KPNA3: variants seen among roughly 807,000 people sequenced by gnomAD.
KPNA3 encodes karyopherin subunit alpha 3.
In KPNA3, 13 loss-of-function variants were observed where a neutral mutation model predicts 73.8. The observed-to-expected ratio is 0.18, with a 90% CI of 0.11 to 0.28. KPNA3 has a LOEUF of 0.28. Ranked by LOEUF, KPNA3 falls within the 10% of genes least tolerant of loss-of-function variation. KPNA3 has a pLI of 1.00. For synonymous variants in KPNA3, 186 were observed against 206.9 expected (o/e 0.90, Z 0.87); for missense variants, 360 against 618.1 (o/e 0.58, Z 4.43).
At chr13:49,740,008 T>G (rs1287018216) in intron 2 of KPNA3, among the ~76,000 whole-genome samples, 3 of 152,140 alleles carry the variant, frequency 2.0e-5, no homozygotes, top group Admixed American at 1.3e-4. Context: ...CCCAGAACTT[T>G]GGGAGGCTGA....
chr13:49,765,721 A>C (rs1314646128), intron 1 of KPNA3, among the ~76,000 whole-genome samples: 1 of 152,198 alleles, frequency 6.6e-6, no homozygotes, highest in Non-Finnish European at 1.5e-5. Context: ...AGTCTTACAA[A>C]ACCATTTATC....
chr13:49,767,370 C>T (rs1269300586), intron 1 of KPNA3, among the ~76,000 whole-genome samples: 5 of 149,036 alleles, frequency 3.4e-5, no homozygotes, highest in African/African-American at 9.9e-5. Context: ...GCCGAGATCA[C>T]GCCACTGCAC....
At chr13:49,711,201 T>C (rs955313162) in intron 10 of KPNA3, among the ~76,000 whole-genome samples, 179 bp from the exon 11 acceptor site, 3 of 152,244 alleles carry the variant, frequency 2.0e-5, no homozygotes, top group African/African-American at 7.2e-5. Flanking sequence ...TTTCTTTCAG[T>C]GCCTACCTCA....
rs533025680 is a variant in KPNA3, at chr13:49,720,210, A to G, written c.727-391T>C. 1.3e-3 allele frequency among the ~76,000 whole-genome samples: 191 copies of G among 152,328 alleles called. 9 individuals carry two copies. In the South Asian group the frequency reaches 0.039, roughly 31 times the overall value. On this transcript the variant is annotated intron_variant, in intron 9 of 16. Transcript: ENST00000261667. ...CACTTAAAACTGCCGTAATTGTCTCACTTACCTGCTTAACGTAAAAATACG... is the reference window on the plus strand; with the variant it reads ...CACTTAAAACTGCCGTAATTGTCTCGCTTACCTGCTTAACGTAAAAATACG...
chr13:49,777,632 C>G (rs1012779374), intron 1 of KPNA3, among the ~76,000 whole-genome samples: 1 of 151,336 alleles, frequency 6.6e-6, no homozygotes, highest in Non-Finnish European at 1.5e-5. Context: ...TCCCAAGGAG[C>G]TTGGACTACA....
intron 1 of KPNA3, among the ~76,000 whole-genome samples, chr13:49,767,278 G>C (rs1303972158): frequency 4.6e-5 from 7 of 151,752 alleles, no homozygotes; most frequent in African/African-American, 1.7e-4. Context: ...CTAGCCAGGC[G>C]TGGTGGCAGG....
intron 1 of KPNA3, among the ~76,000 whole-genome samples, chr13:49,775,839 T>C (rs1036980408): frequency 6.6e-6 from 1 of 152,242 alleles, no homozygotes; most frequent in Non-Finnish European, 1.5e-5. Context: ...GTTTGTTCAA[T>C]CGGACTTGGG....
At chr13:49,702,309 G>A in intron 16 of KPNA3, 77 bp downstream of exon 16, 1 of 771,578 alleles carries the variant, frequency 1.3e-6, no homozygotes. Context: ...ATAATAAAAG[G>A]AAAACTCTTA....
intron 15 of KPNA3, 25 bp from the exon 16 acceptor site, chr13:49,702,505 T>A: frequency 2.4e-6 from 3 of 1,235,138 alleles, no homozygotes; most frequent in Middle Eastern, 3.8e-4. Flanking sequence ...ATAATCAAAA[T>A]AACTGGTTAA....
intron 2 of KPNA3, among the ~76,000 whole-genome samples, chr13:49,734,938 T>TATAG (rs1555305301): frequency 6.8e-6 from 1 of 146,682 alleles, no homozygotes; most frequent in East Asian, 2.0e-4. Flanking sequence ...TATATATATA[T>TATAG]AGAGAGAGAG....
Position 49,785,216 on chromosome 13 carries a change from A to C in KPNA3, c.69+7222T>G, listed in dbSNP as rs142570724. Among the ~76,000 whole-genome samples the C allele has an allele frequency of 3.0e-4, 45 of 152,338 alleles. No homozygotes were observed. In the East Asian group the frequency reaches 6.9e-3, roughly 24 times the overall value. On this transcript the variant is annotated intron_variant, in intron 1 of 16. Coordinates refer to ENST00000261667, the MANE Select transcript of KPNA3 (RefSeq NM_002267.4). ...CTCACTGAAAAATCTCATAAACTAA[A>C]GGAAGAAAACCACTTTGGAGATAGT...
At chr13:49,785,391 C>T (rs544015538) in intron 1 of KPNA3, among the ~76,000 whole-genome samples, 1 of 152,134 alleles carries the variant, frequency 6.6e-6, no homozygotes. Flanking sequence ...GTCCAAGAAG[C>T]CTCTCAAGTT....
intron 12 of KPNA3, among the ~76,000 whole-genome samples, chr13:49,708,623 C>T (rs1024799797): frequency 9.9e-5 from 15 of 151,978 alleles, no homozygotes; most frequent in Admixed American, 5.2e-4. Flanking sequence ...TGGAAACAAC[C>T]GAAGTGTCCA....
intron 6 of KPNA3, among the ~76,000 whole-genome samples, chr13:49,730,615 ATTTTAT>A (rs1358878769): frequency 1.4e-5 from 2 of 143,638 alleles, no homozygotes; most frequent in East Asian, 2.1e-4. Context: ...TATTTATTTT[ATTTTAT>A]TTTTATTATT....
chr13:49,741,643 T>C (rs988253146), intron 2 of KPNA3, among the ~76,000 whole-genome samples: 7 of 152,294 alleles, frequency 4.6e-5, no homozygotes, highest in East Asian at 3.9e-4. Flanking sequence ...TTGGTAGAGA[T>C]GGGGTTTCAC....
At chr13:49,779,830 T>C (rs1954926558) in intron 1 of KPNA3, among the ~76,000 whole-genome samples, 1 of 152,142 alleles carries the variant, frequency 6.6e-6, no homozygotes, top group Non-Finnish European at 1.5e-5. Flanking sequence ...TTTTCCCTTC[T>C]CACTGGCCCC....
At position 49,732,687 on chromosome 13, in the gene KPNA3, G is replaced by GA. The variant is rs11342957; in HGVS notation, c.235-31dup. The GA allele has an allele frequency of 7.3e-3, 9,979 of 1,357,706 alleles. 5 individuals are homozygous for GA. Among genetic ancestry groups the GA allele is most frequent in the Middle Eastern group, 0.011 (61 of 5,376 alleles). 84.1% of individuals were successfully genotyped at this position (1,357,706 alleles called of 1,614,324 possible). ...AATACCAAATGTAAATTTCAGAAAT[G>GA]AAAAAAAAAAAATCAATTTCAAAAT... On this transcript the variant is annotated intron_variant, in intron 4 of 16. Coordinates refer to ENST00000261667, the MANE Select transcript of KPNA3 (RefSeq NM_002267.4).
chr13:49,733,977 A>G (rs1954496186), intron 2 of KPNA3, among the ~76,000 whole-genome samples: 1 of 152,238 alleles, frequency 6.6e-6, no homozygotes, highest in South Asian at 2.1e-4. Context: ...GCCAACCCAC[A>G]AAATTGTTAG....
At chr13:49,761,931 C>A (rs1276141551) in intron 1 of KPNA3, among the ~76,000 whole-genome samples, 6 of 151,636 alleles carry the variant, frequency 4.0e-5, no homozygotes, top group South Asian at 2.1e-4. Flanking sequence ...CCCAGCCACC[C>A]CGTCTGAGAA....
Sources: allele counts gnomAD v4.1 joint callset (sites outside exome capture counted in the v4.1 genomes callset), GRCh38; gene constraint gnomAD v4.1.1; transcripts MANE v1.5; gene names NCBI Gene and HGNC (gene_info 2026-07-23, HGNC 2026-07-21).